KIR3DL3: variants seen among roughly 807,000 people sequenced by gnomAD.
KIR3DL3 encodes the protein killer cell immunoglobulin like receptor, three Ig domains and long cytoplasmic tail 3.
Under a neutral mutation model 34.9 loss-of-function variants are expected in KIR3DL3, and 27 were observed. The observed-to-expected ratio is 0.77, with a 90% CI of 0.57 to 1.07. The LOEUF (loss-of-function observed/expected upper bound fraction) is 1.07. Ranked by LOEUF, KIR3DL3 falls within the 50% of genes least tolerant of loss-of-function variation. The probability of loss-of-function intolerance (pLI) is 0.00; values close to 1 mark genes in which losing one functional copy is unlikely to be tolerated. For synonymous variants in KIR3DL3, 217 were observed against 200.2 expected, an observed-to-expected ratio of 1.08 and a Z score of -0.71; for missense variants, 681 against 528.5, an observed-to-expected ratio of 1.29 and a Z score of -2.83.
chr19:54,732,977 C>T (rs2068987989), intron 5 of KIR3DL3, among the ~76,000 whole-genome samples: 2 of 152,122 alleles, frequency 1.3e-5, no homozygotes, highest in Non-Finnish European at 2.9e-5. Context: ...ATCTAGGAGA[C>T]CGTGGAAAAG....
intron 5 of KIR3DL3, among the ~76,000 whole-genome samples, chr19:54,733,344 C>G (rs1308778213): frequency 6.6e-6 from 1 of 152,010 alleles, no homozygotes; most frequent in East Asian, 1.9e-4. Context: ...CCAGCCTGGC[C>G]AACATGGTGA....
chr19:54,724,591 G>A, intron 1 of KIR3DL3, 61 bp downstream of exon 1: 1 of 1,597,542 alleles, frequency 6.3e-7, no homozygotes, highest in Non-Finnish European at 8.5e-7. Flanking sequence ...GCCTGGAGTG[G>A]AGATCTGGGC....
At chr19:54,730,660 T>C (rs1367360436) in intron 5 of KIR3DL3, among the ~76,000 whole-genome samples, 70 of 152,228 alleles carry the variant, frequency 4.6e-4, no homozygotes, top group African/African-American at 1.6e-3. Flanking sequence ...CATTCTACTC[T>C]CTACCTTTGT....
rs1353660030 is a variant in KIR3DL3, at chr19:54,735,490, T to C, written c.1054+133T>C. The C allele has an allele frequency of 4.9e-6, 3 of 607,628 alleles. No individual in the cohort carries two copies. The Admixed American group carries it at 8.8e-5, about 18-fold the overall frequency. 37.6% of individuals were successfully genotyped at this position (607,628 alleles called of 1,614,324 possible). On this transcript the variant is annotated intron_variant, in intron 6 of 7. Coordinates refer to ENST00000291860, the MANE Select transcript of KIR3DL3 (RefSeq NM_153443.5). ...CAGGAGCCACAGAGGCAGGACTTTC[T>C]AGAGAGAGCACCAGACTCCCTGCCT...
intron 4 of KIR3DL3, 102 bp downstream of exon 4, chr19:54,728,012 C>A: frequency 8.3e-7 from 1 of 1,199,716 alleles, no homozygotes; most frequent in African/African-American, 1.5e-5. Context: ...GTGTGGGGTT[C>A]CTATGGAGAG....
In KIR3DL3 at chr19:54,726,131, G is replaced by A. The variant is rs1242004640; in HGVS notation, c.149G>A (p.Arg50His). 62 of 1,613,136 alleles carry A rather than the reference G, an allele frequency of 3.8e-5. No homozygotes were observed. The highest frequency in any genetic ancestry group is 1.0e-4 in the Admixed American group (6 of 59,892). The change falls in exon 3 of 8, where the codon CGC becomes CAC. Residue 50 changes from arginine (R) to histidine (H), a missense_variant. Arg to His is a conservative substitution (Grantham distance 29). Coordinates refer to ENST00000291860, the MANE Select transcript of KIR3DL3 (RefSeq NM_153443.5). ...GGACAACATGTGACTCTTCAGTGTC[G>A]CTCTCGTCTTGGGTTTAATGAATTC... ...SEGQHVTLQC[R>H]SRLGFNEFSL...
chr19:54,732,623 A>C (rs2068941207), intron 5 of KIR3DL3, among the ~76,000 whole-genome samples: 1 of 152,238 alleles, frequency 6.6e-6, no homozygotes, highest in Admixed American at 6.5e-5. Flanking sequence ...GGTCTCACTG[A>C]TCAGATAATA....
chr19:54,733,031 C>T (rs2068996328), intron 5 of KIR3DL3, among the ~76,000 whole-genome samples: 7 of 152,144 alleles, frequency 4.6e-5, no homozygotes, highest in Non-Finnish European at 8.8e-5. Flanking sequence ...GATTTACACA[C>T]TAAATGAATG....
At chr19:54,726,369 T>C in intron 3 of KIR3DL3, 32 bp downstream of exon 3, 1 of 1,599,484 alleles carries the variant, frequency 6.3e-7, no homozygotes, top group Non-Finnish European at 8.5e-7. Flanking sequence ...CTTCTCACTG[T>C]CCCACCTCCT....
intron 5 of KIR3DL3, among the ~76,000 whole-genome samples, chr19:54,730,599 ATTC>A (rs2146817481): frequency 6.6e-6 from 1 of 151,830 alleles, no homozygotes; most frequent in East Asian, 1.9e-4. Flanking sequence ...ATTAATTAGT[ATTC>A]TTTTTTTTTT....
At position 54,729,613 on chromosome 19, in the gene KIR3DL3, C is replaced by G. The variant is rs1266989370; in HGVS notation, c.776C>G (p.Ala259Gly). The G allele has an allele frequency of 6.9e-6, 11 of 1,595,180 alleles. No individual in the cohort carries two copies. In the South Asian group the frequency reaches 1.0e-4, roughly 15 times the overall value. ...LFDIYHLSRE[A>G]EAGELRLTAV... Reference sequence around the variant, plus strand: ...GACATTTACCATCTATCCAGGGAGGCGGAGGCCGGTGAACTTAGGCTCACT... The same window carrying G: ...GACATTTACCATCTATCCAGGGAGGGGGAGGCCGGTGAACTTAGGCTCACT... The change falls in exon 5 of 8, where the codon GCG (alanine) becomes GGG (glycine). Residue 259 changes from alanine (A) to glycine (G), a missense_variant. Transcript: ENST00000291860.
intron 3 of KIR3DL3, 134 bp from the exon 4 acceptor site, chr19:54,727,477 G>T: frequency 1.2e-6 from 1 of 842,314 alleles, no homozygotes; most frequent in South Asian, 1.7e-5. Context: ...GGGGTTATGG[G>T]CACAAAAGAA....
At chr19:54,730,583 T>C (rs1600198823) in intron 5 of KIR3DL3, among the ~76,000 whole-genome samples, 1 of 151,678 alleles carries the variant, frequency 6.6e-6, no homozygotes, top group African/African-American at 2.4e-5. Flanking sequence ...CAAAATTAAT[T>C]AATTAATTAA....
At position 54,726,099 on chromosome 19, in the gene KIR3DL3, G is replaced by A. The variant is rs1315436328; in HGVS notation, c.117G>A (p.Val39=). ...TCTCTGCCTGGCCCGGCACTGTGGT[G>A]TCTGAAGGACAACATGTGACTCTTC... ...PFLSAWPGTV[V]SEGQHVTLQC... is the part of the protein sequence containing the mutation. Residue 39 remains valine (V), a synonymous_variant, in exon 3 of 8, where the codon GTG becomes GTA. Transcript: ENST00000291860. The A allele has an allele frequency of 3.5e-5, 56 of 1,613,364 alleles. No homozygotes were observed. The South Asian group carries it at 5.6e-4, about 16-fold the overall frequency.
intron 4 of KIR3DL3, among the ~76,000 whole-genome samples, chr19:54,729,149 GATA>G (rs2068518796): frequency 1.4e-4 from 21 of 147,804 alleles, no homozygotes; most frequent in Admixed American, 5.5e-4. Context: ...TCGATCAATA[GATA>G]ATAGATAGAA....
chr19:54,736,075 C>A lies in KIR3DL3; in HGVS notation c.1212C>A (p.Pro404=), dbSNP rs2069561505. 1.9e-6 allele frequency: 3 copies of A among 1,613,462 alleles called. No individual in the cohort carries two copies. The Admixed American group carries it at 5.0e-5, about 27-fold the overall frequency. ...GCCCTTCTCAGAGGCCCAAGACACC[C>A]CCAACAGATACCAGCGTGTAACACG... ...ITRPSQRPKT[P]PTDTSV The change falls in exon 8 of 8, where the codon CCC becomes CCA. Residue 404 remains proline, a synonymous_variant. Transcript: ENST00000291860.
chr19:54,729,314 C>T (rs1269108398), intron 4 of KIR3DL3, among the ~76,000 whole-genome samples, 179 bp from the exon 5 acceptor site: 1 of 151,478 alleles, frequency 6.6e-6, no homozygotes, highest in Non-Finnish European at 1.5e-5. Context: ...AGGTCAGAGA[C>T]CTAGAGAGAC....
intron 5 of KIR3DL3, among the ~76,000 whole-genome samples, chr19:54,731,895 G>T (rs796558206): frequency 6.6e-6 from 1 of 151,928 alleles, no homozygotes; most frequent in African/African-American, 2.4e-5. Flanking sequence ...TTCTATTGGG[G>T]TCACCAAGAT....
intron 6 of KIR3DL3, 31 bp downstream of exon 6, chr19:54,735,388 T>A (rs759612870): frequency 2.8e-6 from 3 of 1,055,604 alleles, no homozygotes; most frequent in South Asian, 1.3e-5. Context: ...GCCAGAGAGC[T>A]CAGGGCCATG....
Sources: allele counts gnomAD v4.1 joint callset (sites outside exome capture counted in the v4.1 genomes callset), GRCh38; gene constraint gnomAD v4.1.1; transcripts MANE v1.5; gene names NCBI Gene and HGNC (gene_info 2026-07-23, HGNC 2026-07-21).